Variants in PCDHA8 observed in about 807,000 individuals in gnomAD.
PCDHA8 encodes protocadherin alpha-8.
Under a neutral mutation model 61.8 loss-of-function variants are expected in PCDHA8, and 53 were observed. That is an observed-to-expected ratio of 0.86 (90% CI 0.69 to 1.08). PCDHA8 has a LOEUF of 1.08. Ranked by LOEUF, PCDHA8 falls within the 50% of genes least tolerant of loss-of-function variation. The pLI, the probability that PCDHA8 is intolerant of heterozygous loss-of-function variation, is 0.00. For missense variants in PCDHA8, 1,293 were observed against 1,245.0 expected (o/e 1.04, Z -0.58); for synonymous variants, 618 against 556.6 (o/e 1.11, Z -1.55).
chr5:140,926,505 TC>T, intron 1 of PCDHA8: 1 of 190,688 alleles, frequency 5.2e-6, no homozygotes. Flanking sequence ...TCGGGGCGTC[TC>T]CCAGGCTCCG....
intron 3 of PCDHA8, among the ~76,000 whole-genome samples, chr5:140,992,926 A>C (rs2097533873): frequency 6.6e-6 from 1 of 152,226 alleles, no homozygotes; most frequent in African/African-American, 2.4e-5. Context: ...CCATACTTAC[A>C]GCAGCTCTGA....
chr5:140,850,415 G>T, intron 1 of PCDHA8: 1 of 1,597,962 alleles, frequency 6.3e-7, no homozygotes, highest in Non-Finnish European at 8.6e-7. Context: ...TGGACGAAAC[G>T]GACGCACCGC....
chr5:140,947,948 T>C (rs2094196051), intron 1 of PCDHA8, among the ~76,000 whole-genome samples: 1 of 151,586 alleles, frequency 6.6e-6, no homozygotes, highest in South Asian at 2.1e-4. Context: ...AAGTGTTCCA[T>C]ATTTTACAAT....
intron 1 of PCDHA8, chr5:140,969,211 A>T: frequency 6.2e-7 from 1 of 1,614,206 alleles, no homozygotes; most frequent in Non-Finnish European, 8.5e-7. Context: ...GGGCCCAGAC[A>T]GGACCAGGGC....
intron 1 of PCDHA8, chr5:140,927,588 A>G (rs914756357): frequency 1.9e-6 from 3 of 1,614,210 alleles, no homozygotes; most frequent in East Asian, 2.2e-5. Context: ...ACGCGCCTGT[A>G]TTTGAGCGCT....
intron 1 of PCDHA8, chr5:140,856,464 T>C (rs2044012633): frequency 1.3e-6 from 2 of 1,598,082 alleles, no homozygotes; most frequent in Non-Finnish European, 1.7e-6. Flanking sequence ...GAACAAAAGC[T>C]CTCAATACCT....
At chr5:140,854,870 CTG>C (rs2043251909) in intron 1 of PCDHA8, among the ~76,000 whole-genome samples, 1 of 149,668 alleles carries the variant, frequency 6.7e-6, no homozygotes, top group African/African-American at 2.4e-5. Flanking sequence ...TATTTCAGAA[CTG>C]TGTCTTTTGG....
At chr5:140,993,468 AC>A (rs2097564676) in intron 3 of PCDHA8, among the ~76,000 whole-genome samples, 1 of 69,412 alleles carries the variant, frequency 1.4e-5, no homozygotes, top group South Asian at 5.5e-4. Context: ...TTTCTCACAC[AC>A]ACACACACAC....
chr5:140,953,410 G>A (rs1328809858), intron 1 of PCDHA8, among the ~76,000 whole-genome samples: 5 of 152,042 alleles, frequency 3.3e-5, no homozygotes, highest in Non-Finnish European at 5.9e-5. Flanking sequence ...GTTGCTCCTG[G>A]CTCCTCCCCT....
chr5:140,896,465 C>T (rs967658819), intron 1 of PCDHA8, among the ~76,000 whole-genome samples: 8 of 151,988 alleles, frequency 5.3e-5, no homozygotes, highest in South Asian at 4.1e-4. Context: ...TGGGTTCAAG[C>T]GGTTCTCCTG....
chr5:140,902,855 G>A lies in PCDHA8; in HGVS notation c.2394+59140G>A, dbSNP rs137957286. On this transcript the variant is annotated intron_variant, in intron 1 of 3. Coordinates refer to ENST00000531613, the MANE Select transcript of PCDHA8 (RefSeq NM_018911.3). ...GAGTTACTTCACTTAGAAAAATGGC[G>A]TCCAGGTCCACCCAAGCTGCTGCAA... is the stretch of plus-strand genomic sequence containing the variant. Among the ~76,000 whole-genome samples, 742 of 152,204 alleles carry A rather than the reference G, an allele frequency of 4.9e-3. 1 individual carries two copies. The highest frequency in any genetic ancestry group is 7.5e-3 in the Admixed American group (115 of 15,274).
intron 3 of PCDHA8, among the ~76,000 whole-genome samples, chr5:140,994,479 G>A (rs1229761223): frequency 1.3e-5 from 2 of 152,094 alleles, no homozygotes; most frequent in African/African-American, 4.8e-5. Context: ...GAGGCGGGTG[G>A]ATTGCCTGAA....
chr5:140,868,090 T>C (rs2050270367), intron 1 of PCDHA8: 2 of 152,144 alleles, frequency 1.3e-5, no homozygotes, highest in Non-Finnish European at 2.9e-5. Flanking sequence ...TTTTATAAAA[T>C]GATAATAAAA....
At chr5:140,980,584 C>T (rs1447001293) in intron 2 of PCDHA8, among the ~76,000 whole-genome samples, 3 of 151,934 alleles carry the variant, frequency 2.0e-5, no homozygotes, top group Non-Finnish European at 4.4e-5. Context: ...GAGCCAAGAT[C>T]GAGCCACTGC....
rs111528394 is a variant in PCDHA8 at position 140,995,338 on chromosome 5, C to T, written c.2542+12775C>T. Among the ~76,000 whole-genome samples the T allele has an allele frequency of 2.7e-4, 41 of 151,956 alleles. 1 individual carries two copies. Among genetic ancestry groups the T allele is most frequent in the Admixed American group, 6.6e-4 (10 of 15,254 alleles). On this transcript the variant is annotated intron_variant, in intron 3 of 3. Coordinates refer to ENST00000531613, the MANE Select transcript of PCDHA8 (RefSeq NM_018911.3). The stretch of plus-strand genomic sequence containing the variant: ...TGAACTAACAGGTGAGTAGTGTAGA[C>T]GGCATGGATAGGTCGGACAGAGGGA...
intron 1 of PCDHA8, chr5:140,870,402 T>A (rs782585618): frequency 3.7e-6 from 6 of 1,614,230 alleles, no homozygotes; most frequent in Middle Eastern, 1.6e-4. Context: ...GTTCGCCTTC[T>A]CTGTGGGCCA....
chr5:140,883,762 G>T, intron 1 of PCDHA8: 3 of 1,612,794 alleles, frequency 1.9e-6, no homozygotes, highest in Non-Finnish European at 2.5e-6. Context: ...TGGAGCGGCG[G>T]GTGGGCGAGC....
At chr5:140,974,320 CT>C (rs2096622624) in intron 1 of PCDHA8, among the ~76,000 whole-genome samples, 1 of 152,206 alleles carries the variant, frequency 6.6e-6, no homozygotes, top group Non-Finnish European at 1.5e-5. Context: ...GAGAGAGTAG[CT>C]GCTGTGCTAG....
chr5:140,843,097 G>A lies in PCDHA8; in HGVS notation c.1776G>A (p.Ala592=), dbSNP rs2150352521. 1.9e-6 allele frequency: 3 copies of A among 1,595,590 alleles called. 1 individual carries two copies. The highest frequency in any genetic ancestry group is 1.1e-5 in the South Asian group (1 of 90,512). Residue 592 remains alanine (A), a synonymous_variant, in exon 1 of 4, where the codon GCG becomes GCA. Transcript: ENST00000531613. ...CTGTGGGCGCGGGCCACGTGGTAGCGAAGGTGCGCGCAGTGGACGCCGACT... is the reference window on the plus strand; with the variant it reads ...CTGTGGGCGCGGGCCACGTGGTAGCAAAGGTGCGCGCAGTGGACGCCGACT... The part of the protein sequence containing the change: ...PRSVGAGHVV[A]KVRAVDADSG...
Sources: allele counts gnomAD v4.1 joint callset (sites outside exome capture counted in the v4.1 genomes callset), GRCh38; gene constraint gnomAD v4.1.1; transcripts MANE v1.5; gene names NCBI Gene and HGNC (gene_info 2026-07-23, HGNC 2026-07-21).